The following BCOR variants were observed in gnomAD, a reference collection of about 807,000 sequenced individuals.
The protein encoded by BCOR is BCL6 corepressor, also known as BCL-6 corepressor.
BCOR carries 10 observed loss-of-function variants against 86.7 expected under a neutral mutation model. The ratio of observed to expected loss-of-function variants is 0.12; its 90% CI spans 0.07 to 0.20. The LOEUF (loss-of-function observed/expected upper bound fraction) is 0.20, where lower values mean the gene tolerates loss of function less well. Ranked by LOEUF, BCOR falls within the 10% of genes least tolerant of loss-of-function variation. The probability of loss-of-function intolerance (pLI) is 1.00; values close to 1 mark genes in which losing one functional copy is unlikely to be tolerated. For synonymous variants in BCOR, 611 were observed against 609.0 expected (o/e 1.00, Z -0.05); for missense variants, 1,259 against 1,452.1 (o/e 0.87, Z 2.16).
At chrX:40,139,851 G>A (rs1354596425) in intron 1 of BCOR, among the ~76,000 whole-genome samples, 1 of 108,128 alleles carries the variant, frequency 9.2e-6, no homozygotes, top group African/African-American at 3.4e-5. Context: ...ATCTTGGGAA[G>A]AGTAAGCAAT....
intron 1 of BCOR, among the ~76,000 whole-genome samples, chrX:40,154,725 G>A (rs1241236917): frequency 1.8e-5 from 2 of 112,366 alleles, no homozygotes; most frequent in East Asian, 2.8e-4. Flanking sequence ...GGGCAGTGCA[G>A]GGAGGGGACC....
At chrX:40,139,995 T>C (rs759204137) in intron 1 of BCOR, among the ~76,000 whole-genome samples, 1 of 110,098 alleles carries the variant, frequency 9.1e-6, no homozygotes, top group East Asian at 2.9e-4. Context: ...ACATCTGCCA[T>C]GAACTTGATG....
chrX:40,143,212 CTGTGTGTCTGTGTGTGTGTG>C, intron 1 of BCOR, among the ~76,000 whole-genome samples: 1 of 111,507 alleles, frequency 9.0e-6, no homozygotes, highest in East Asian at 2.8e-4. Context: ...AGCAGGAATG[CTGTGTGTCTGTGTGTGTGTG>C]TGTGTGTCTG....
At chrX:40,081,610 C>T (rs968923886) in intron 1 of BCOR, among the ~76,000 whole-genome samples, 1 of 112,433 alleles carries the variant, frequency 8.9e-6, no homozygotes, top group Non-Finnish European at 1.9e-5. Context: ...CTCCACCCCC[C>T]ACTTCTTCCA....
Position 40,116,393 on chromosome X carries a change from A to C in BCOR, c.-40-38424T>G, listed in dbSNP as rs1254048604. 2.7e-5 allele frequency among the ~76,000 whole-genome samples: 3 copies of C among 109,880 alleles called. No homozygotes were observed. In the East Asian group the frequency reaches 8.5e-4, roughly 31 times the overall value. On this transcript the variant is annotated intron_variant, in intron 1 of 14. Coordinates refer to the BCOR transcript ENST00000342274. ...GCGCCTGTAGTCCCAGCTACTCGGG[A>C]GGCTGAGGCAGCAGAATGGTGTGAA...
In BCOR at chrX:40,062,182, G is replaced by T; in HGVS notation, c.4385C>A (p.Ala1462Asp). Reference protein sequence around the residue: ...EARRLIVNKNAGETLLQRAAR... With the variant: ...EARRLIVNKNDGETLLQRAAR... Reference sequence around the variant, plus strand: ...TGCCCGCTGCAGAAGGGTCTCGCCAGCGTTCTTATTGACAATAAGTCTCCG... The same window carrying T: ...TGCCCGCTGCAGAAGGGTCTCGCCATCGTTCTTATTGACAATAAGTCTCCG... Residue 1462 changes from alanine (A) to aspartate (D), a missense_variant, in exon 10 of 15, where the codon GCT becomes GAT. Physicochemically the swap from Ala to Asp is moderately radical, Grantham distance 126 (BLOSUM62 -2). This residue lies in a region of BCOR where 47 missense variants were observed against 102.1 expected (regional missense o/e 0.46). Coordinates refer to ENST00000378444, the MANE Select transcript of BCOR (RefSeq NM_001123385.2). 8.3e-7 allele frequency: 1 copy of T among 1,206,721 alleles called. No homozygotes were observed.
intron 1 of BCOR, among the ~76,000 whole-genome samples, chrX:40,109,472 C>A (rs1469376965): frequency 8.9e-6 from 1 of 112,515 alleles, no homozygotes; most frequent in Non-Finnish European, 1.9e-5. Context: ...GGCCAGGTAC[C>A]CAGCCTCGCT....
At chrX:40,061,951 C>T (rs763056371) in intron 10 of BCOR, among the ~76,000 whole-genome samples, 188 bp downstream of exon 10, 7 of 110,873 alleles carry the variant, frequency 6.3e-5, no homozygotes, top group South Asian at 3.9e-4. Flanking sequence ...TTCCACACCG[C>T]GATTGAACAA....
rs55700604 is a variant in BCOR, at chrX:40,062,607, C to A, written c.4173+139G>T. The A allele has an allele frequency of 0.13, 95,236 of 747,292 alleles. 7,546 individuals are homozygous for A. Among genetic ancestry groups the A allele is most frequent in the East Asian group, 0.66 (18,837 of 28,571 alleles). 61.6% of individuals were successfully genotyped at this position (747,292 alleles called of 1,213,427 possible). On this transcript the variant is annotated intron_variant, in intron 9 of 14. Coordinates refer to ENST00000378444, the MANE Select transcript of BCOR (RefSeq NM_001123385.2). ...ACTTCGCTGCCACCCAGAAGACATGCTCCTCTAGGACAGGGGAGTGACGTG... is the reference window on the plus strand; with the variant it reads ...ACTTCGCTGCCACCCAGAAGACATGATCCTCTAGGACAGGGGAGTGACGTG...
intron 1 of BCOR, among the ~76,000 whole-genome samples, chrX:40,154,921 C>T (rs1339184768): frequency 6.2e-5 from 7 of 112,565 alleles, no homozygotes; most frequent in East Asian, 5.7e-4. Context: ...ACCGGCTGCT[C>T]GGCAAAGGGT....
chrX:40,100,561 T>G (rs1418599668), upstream of BCOR, among the ~76,000 whole-genome samples: 2 of 111,397 alleles, frequency 1.8e-5, no homozygotes, highest in Non-Finnish European at 3.8e-5. Flanking sequence ...CAAAGAGGCC[T>G]GTTTGTCTAA....
intron 1 of BCOR, among the ~76,000 whole-genome samples, chrX:40,153,967 T>C (rs1222403145): frequency 2.7e-5 from 3 of 109,657 alleles, no homozygotes; most frequent in African/African-American, 6.7e-5. Context: ...CCCGGCTTCC[T>C]GGGCCGCAGC....
chrX:40,082,079 G>A (rs929699822), intron 1 of BCOR, among the ~76,000 whole-genome samples: 3 of 112,539 alleles, frequency 2.7e-5, no homozygotes, highest in African/African-American at 9.7e-5. Flanking sequence ...ACACGGGGGA[G>A]AAGGCCTGAT....
At chrX:40,176,373 C>A (rs1487160562) in intron 1 of BCOR, among the ~76,000 whole-genome samples, 2 of 113,012 alleles carry the variant, frequency 1.8e-5, no homozygotes, top group East Asian at 5.7e-4. Context: ...GATCCCCTCC[C>A]GGAGTAGCCC....
At chrX:40,144,966 A>G (rs1451549999) in intron 1 of BCOR, among the ~76,000 whole-genome samples, 1 of 108,397 alleles carries the variant, frequency 9.2e-6, no homozygotes, top group Non-Finnish European at 1.9e-5. Context: ...TTGCTAAAAT[A>G]TGCCGACCTC....
intron 10 of BCOR, among the ~76,000 whole-genome samples, chrX:40,059,252 T>C (rs925587053): frequency 1.8e-4 from 20 of 112,263 alleles, no homozygotes; most frequent in African/African-American, 6.5e-4. Flanking sequence ...CAAATGTGTA[T>C]GTCATATCCC....
At chrX:40,163,113 T>C (rs1483756609) in intron 1 of BCOR, among the ~76,000 whole-genome samples, 2 of 111,974 alleles carry the variant, frequency 1.8e-5, no homozygotes, top group Non-Finnish European at 3.8e-5. Context: ...CATATAAAGA[T>C]AGCTGTATAC....
At chrX:40,066,934 C>G (rs76816113) in intron 6 of BCOR, among the ~76,000 whole-genome samples, 7 of 82,712 alleles carry the variant, frequency 8.5e-5, no homozygotes, top group Non-Finnish European at 1.6e-4. Flanking sequence ...CCCCCCCCCC[C>G]ATCAAATCCC....
chrX:40,052,455 C>G, intron 14 of BCOR, 55 bp from the exon 15 acceptor site: 2 of 1,130,966 alleles, frequency 1.8e-6, no homozygotes, highest in African/African-American at 1.8e-5. Context: ...AAAGTGCGCC[C>G]AACTATTAAT....
Sources: gnomAD v4.1 joint callset for allele counts (sites outside exome capture counted in the v4.1 genomes callset) on GRCh38, gnomAD v4.1.1 for gene constraint, gnomAD v4.1.1 regional missense constraint, MANE v1.5 for transcripts, NCBI Gene and HGNC (gene_info 2026-07-23, HGNC 2026-07-21) for gene names.